Variants in EYA1 observed in about 807,000 individuals in gnomAD.
EYA1 encodes the protein protein phosphatase EYA1.
In EYA1, 16 loss-of-function variants were observed where a neutral mutation model predicts 82.0. The ratio of observed to expected loss-of-function variants is 0.20; its 90% CI spans 0.13 to 0.30. EYA1 has a LOEUF of 0.30. Ranked by LOEUF, EYA1 falls within the 10% of genes least tolerant of loss-of-function variation. EYA1 has a pLI of 1.00. For synonymous variants in EYA1, 261 were observed against 264.4 expected, an observed-to-expected ratio of 0.99 and a Z score of 0.12; for missense variants, 633 against 730.7, an observed-to-expected ratio of 0.87 and a Z score of 1.54.
intron 2 of EYA1, among the ~76,000 whole-genome samples, chr8:71,452,022 A>G (rs1034019512): frequency 6.6e-6 from 1 of 152,172 alleles, no homozygotes; most frequent in Non-Finnish European, 1.5e-5. Context: ...TTTCCTAGCC[A>G]AGGGAAGCTG....
chr8:71,225,261 G>A, intron 12 of EYA1: 1 of 456,186 alleles, frequency 2.2e-6, no homozygotes, highest in Non-Finnish European at 4.4e-6. Flanking sequence ...GCTTTCTTCT[G>A]CCCAGCTTCA....
At chr8:71,211,479 A>G (rs1180053892) in intron 16 of EYA1, among the ~76,000 whole-genome samples, 1 of 152,228 alleles carries the variant, frequency 6.6e-6, no homozygotes, top group Non-Finnish European at 1.5e-5. Flanking sequence ...TTGGAAATTG[A>G]TAGTTAAATA....
intron 2 of EYA1, among the ~76,000 whole-genome samples, chr8:71,399,401 T>C (rs1309569914): frequency 6.6e-6 from 1 of 152,226 alleles, no homozygotes; most frequent in African/African-American, 2.4e-5. Flanking sequence ...TACTCGGCTA[T>C]CTTGGAACCT....
chr8:71,222,554 C>CA, intron 12 of EYA1, among the ~76,000 whole-genome samples: 1 of 152,182 alleles, frequency 6.6e-6, no homozygotes, highest in East Asian at 1.9e-4. Flanking sequence ...CTTCCTTCCC[C>CA]CACAGCAATA....
At chr8:71,297,031 C>G (rs190231077) in intron 9 of EYA1, among the ~76,000 whole-genome samples, 62 of 152,128 alleles carry the variant, frequency 4.1e-4, no homozygotes, top group African/African-American at 1.5e-3. Flanking sequence ...CAGACATACT[C>G]GCTTTAGTTG....
Position 71,299,050 on chromosome 8 carries a change from C to T in EYA1, c.823G>A (p.Ala275Thr). The change falls in exon 9 of 18, where the codon GCA (alanine) becomes ACA (threonine). Residue 275 changes from alanine (A) to threonine (T), a missense_variant. Physicochemically the swap from Ala to Thr is moderately conservative, Grantham distance 58. Transcript: ENST00000340726. Reference sequence around the variant, plus strand: ...CTAATAATATTCACATAATTACCTGCTGTGGGATCTGTAACTGCTTGGCTG... The same window carrying T: ...CTAATAATATTCACATAATTACCTGTTGTGGGATCTGTAACTGCTTGGCTG... ...ITSQAVTDPT[A>T]EYSTIHSPST... 1.2e-6 allele frequency: 2 copies of T among 1,613,550 alleles called. No homozygotes were observed. Among genetic ancestry groups the T allele is most frequent in the Admixed American group, 1.7e-5 (1 of 60,004 alleles).
At chr8:71,331,829 C>A (rs1374092855) in intron 4 of EYA1, among the ~76,000 whole-genome samples, 2 of 152,004 alleles carry the variant, frequency 1.3e-5, no homozygotes, top group African/African-American at 4.8e-5. Flanking sequence ...TCCAGTTCAA[C>A]ACTATTGCTT....
chr8:71,212,267 T>C (rs2128839209), intron 16 of EYA1, among the ~76,000 whole-genome samples: 1 of 152,356 alleles, frequency 6.6e-6, no homozygotes, highest in South Asian at 2.1e-4. Context: ...TGCACTAAAA[T>C]CTCTAGTTTG....
chr8:71,391,933 C>T (rs1829301327), intron 2 of EYA1, among the ~76,000 whole-genome samples: 2 of 152,204 alleles, frequency 1.3e-5, no homozygotes, highest in South Asian at 2.1e-4. Flanking sequence ...TCCCACTGCA[C>T]CCAATCTTTA....
intron 1 of EYA1, among the ~76,000 whole-genome samples, chr8:71,358,587 C>T (rs1185283754): frequency 2.0e-5 from 3 of 152,126 alleles, no homozygotes; most frequent in African/African-American, 7.2e-5. Flanking sequence ...CTCAAGAATG[C>T]GAATGCAGAC....
intron 4 of EYA1, among the ~76,000 whole-genome samples, chr8:71,333,192 A>G (rs1335220088): frequency 2.0e-5 from 3 of 152,224 alleles, no homozygotes; most frequent in Admixed American, 6.5e-5. Flanking sequence ...GAAAGAACAA[A>G]TGGATATTAC....
At chr8:71,415,823 G>T (rs928558819) in intron 2 of EYA1, among the ~76,000 whole-genome samples, 2 of 152,178 alleles carry the variant, frequency 1.3e-5, no homozygotes, top group Non-Finnish European at 2.9e-5. Context: ...ATTACAGCCA[G>T]ATCCAGCATA....
intron 2 of EYA1, among the ~76,000 whole-genome samples, chr8:71,421,298 A>G (rs1831134289): frequency 6.6e-6 from 1 of 152,214 alleles, no homozygotes; most frequent in South Asian, 2.1e-4. Flanking sequence ...GGAACTCAGC[A>G]CAGACTTAGA....
At chr8:71,529,460 A>C (rs984086111) in intron 2 of EYA1, 3 of 152,228 alleles carry the variant, frequency 2.0e-5, no homozygotes, top group African/African-American at 7.2e-5. Context: ...AGGTGATGGC[A>C]TATCAAGGGT....
At chr8:71,199,678 G>T (rs192134514) in intron 17 of EYA1, among the ~76,000 whole-genome samples, 9 of 152,366 alleles carry the variant, frequency 5.9e-5, no homozygotes, top group African/African-American at 2.2e-4. Flanking sequence ...GATCTACACT[G>T]TGACTTGAAT....
intron 1 of EYA1, among the ~76,000 whole-genome samples, chr8:71,361,186 A>C (rs1277670558): frequency 1.3e-5 from 2 of 152,238 alleles, no homozygotes; most frequent in African/African-American, 4.8e-5. Context: ...TTGTCCTTTC[A>C]AATGTTAAAT....
At chr8:71,317,066 G>A (rs760358482) in intron 7 of EYA1, among the ~76,000 whole-genome samples, 1 of 152,124 alleles carries the variant, frequency 6.6e-6, no homozygotes, top group African/African-American at 2.4e-5. Context: ...TGTTCTTTGG[G>A]AGATCATTAT....
chr8:71,495,451 T>C (rs1811343915), intron 2 of EYA1, among the ~76,000 whole-genome samples: 1 of 151,934 alleles, frequency 6.6e-6, no homozygotes, highest in Non-Finnish European at 1.5e-5. Context: ...CCATCTCTAC[T>C]AAAAATAGAA....
intron 4 of EYA1, among the ~76,000 whole-genome samples, chr8:71,323,265 C>A (rs1051687852): frequency 6.6e-6 from 1 of 151,980 alleles, no homozygotes; most frequent in African/African-American, 2.4e-5. Context: ...GGCTAAGATG[C>A]ATATTCCTTG....
Sources: allele counts gnomAD v4.1 joint callset (sites outside exome capture counted in the v4.1 genomes callset), GRCh38; gene constraint gnomAD v4.1.1; transcripts MANE v1.5; gene names NCBI Gene and HGNC (gene_info 2026-07-23, HGNC 2026-07-21).